SHANK2: variants seen among roughly 807,000 people sequenced by gnomAD.
The protein encoded by SHANK2 is SH3 and multiple ankyrin repeat domains 2.
Under a neutral mutation model 133.7 loss-of-function variants are expected in SHANK2, and 43 were observed. The ratio of observed to expected loss-of-function variants is 0.32; its 90% CI spans 0.25 to 0.41. The LOEUF (loss-of-function observed/expected upper bound fraction) is 0.41, where lower values mean the gene tolerates loss of function less well. Ranked by LOEUF, SHANK2 falls within the 10% of genes least tolerant of loss-of-function variation. The pLI is 1.00. For synonymous variants in SHANK2, 1,017 were observed against 952.8 expected (o/e 1.07, Z -1.24); for missense variants, 1,994 against 2,235.8 (o/e 0.89, Z 2.18).
rs529794702 is a variant in SHANK2 at position 71,121,957 on chromosome 11, C to A, written c.208-2925G>T. Among the ~76,000 whole-genome samples, 1,279 of 152,296 alleles carry A rather than the reference C, an allele frequency of 8.4e-3. 17 individuals carry two copies. Among genetic ancestry groups the A allele is most frequent in the African/African-American group, 0.03 (1,232 of 41,564 alleles). On this transcript the variant is annotated intron_variant, in intron 3 of 25. Transcript: ENST00000601538. ...AAAACCACAATGAGATACCATCTCACACCAGTTAGAATGGCGATCATTAAA... is the reference window on the plus strand; with the variant it reads ...AAAACCACAATGAGATACCATCTCAAACCAGTTAGAATGGCGATCATTAAA...
chr11:70,698,860 C>G, intron 14 of SHANK2, 97 bp from the exon 15 acceptor site: 1 of 713,146 alleles, frequency 1.4e-6, no homozygotes, highest in South Asian at 1.5e-5. Flanking sequence ...CTCACCTACT[C>G]CCCAAAATGT....
At chr11:71,073,119 T>G (rs1201469434) in intron 9 of SHANK2, among the ~76,000 whole-genome samples, 3 of 150,662 alleles carry the variant, frequency 2.0e-5, no homozygotes, top group Non-Finnish European at 3.0e-5. Flanking sequence ...GTGGAAGGCT[T>G]GCTTTTTGTT....
chr11:70,836,251 G>A (rs1403577043), intron 11 of SHANK2, among the ~76,000 whole-genome samples: 1 of 152,210 alleles, frequency 6.6e-6, no homozygotes, highest in Non-Finnish European at 1.5e-5. Context: ...TTCTCAGGCC[G>A]GCTCCACACA....
intron 17 of SHANK2, among the ~76,000 whole-genome samples, chr11:70,612,527 T>C (rs2060673822): frequency 6.6e-6 from 1 of 152,246 alleles, no homozygotes. Flanking sequence ...TTTAGATCCA[T>C]GCATACTTTC....
chr11:70,722,163 T>C (rs1946087174), intron 14 of SHANK2, among the ~76,000 whole-genome samples: 1 of 152,234 alleles, frequency 6.6e-6, no homozygotes, highest in Non-Finnish European at 1.5e-5. Context: ...CTCAGCCCCA[T>C]TCCTGCCCTT....
At chr11:70,694,010 G>A (rs1480811416) in intron 15 of SHANK2, among the ~76,000 whole-genome samples, 1 of 152,160 alleles carries the variant, frequency 6.6e-6, no homozygotes, top group Non-Finnish European at 1.5e-5. Context: ...AATGGAGTCC[G>A]TTCAGCCTAA....
rs782608612 is a variant in SHANK2 at position 70,486,278 on chromosome 11, TCTC to T, written c.4012_4014del (p.Glu1338del). 2.5e-6 allele frequency: 4 copies of T among 1,613,870 alleles called. No homozygotes were observed. Among genetic ancestry groups the T allele is most frequent in the Non-Finnish European group, 3.4e-6 (4 of 1,180,022 alleles). ...TCGGACGGCGAGCTGTCTGGCTTCA[TCTC>T]CACCTCTGCCTTCTCGTCCTCTTCC... On this transcript the variant is annotated inframe_deletion, in exon 25 of 26. Transcript: ENST00000601538. The surrounding 1 kb of genome is among the most constrained non-coding windows in gnomAD (Gnocchi z 8.0).
chr11:70,835,483 G>C (rs1245103038), intron 11 of SHANK2, among the ~76,000 whole-genome samples: 1 of 152,170 alleles, frequency 6.6e-6, no homozygotes, highest in East Asian at 1.9e-4. Flanking sequence ...TTGGGGACAT[G>C]GTCCGCTCAG....
In SHANK2 at chr11:70,747,415, T is replaced by C. The variant is rs139158086; in HGVS notation, c.1778-48652A>G. Among the ~76,000 whole-genome samples the C allele has an allele frequency of 2.6e-4, 39 of 152,318 alleles. No homozygotes were observed. In the East Asian group the frequency reaches 7.2e-3, roughly 28 times the overall value. ...AAAGTCTTTTCATGGCCTGACATTC[T>C]CAGGCTCCTAATCACCCCAGGCCAG... is the stretch of plus-strand genomic sequence containing the variant. On this transcript the variant is annotated intron_variant, in intron 14 of 25. Transcript: ENST00000601538.
chr11:71,222,685 G>T (rs1237450108), intron 2 of SHANK2, among the ~76,000 whole-genome samples: 3 of 152,228 alleles, frequency 2.0e-5, no homozygotes, highest in Non-Finnish European at 4.4e-5. Context: ...ACATCTTATG[G>T]CTCAACCCCG....
intron 1 of SHANK2, among the ~76,000 whole-genome samples, chr11:71,239,038 A>G (rs558506320): frequency 3.3e-5 from 5 of 152,356 alleles, no homozygotes; most frequent in African/African-American, 1.2e-4. Flanking sequence ...ACGGTTTCAC[A>G]AGCATTTTGT....
chr11:70,706,870 G>A (rs576248190), intron 14 of SHANK2, among the ~76,000 whole-genome samples: 11 of 152,244 alleles, frequency 7.2e-5, no homozygotes, highest in African/African-American at 2.4e-4. Flanking sequence ...CTTTAAGCAG[G>A]GCTGCTGGAA....
intron 10 of SHANK2, among the ~76,000 whole-genome samples, chr11:70,929,508 G>C (rs1394814489): frequency 2.6e-5 from 4 of 152,130 alleles, no homozygotes; most frequent in African/African-American, 4.8e-5. Flanking sequence ...CCTCCCCTCT[G>C]CCAGGTTCTA....
chr11:70,829,592 C>G (rs1044769225), intron 11 of SHANK2, among the ~76,000 whole-genome samples: 3 of 151,362 alleles, frequency 2.0e-5, no homozygotes, highest in Non-Finnish European at 4.4e-5. Flanking sequence ...CCCAGGCCTG[C>G]TTCTCAGCCT....
chr11:70,547,727 C>T (rs1267578295), intron 17 of SHANK2, among the ~76,000 whole-genome samples: 1 of 152,194 alleles, frequency 6.6e-6, no homozygotes, highest in African/African-American at 2.4e-5. Context: ...GGGACCCCCG[C>T]TTGAATAGCT....
chr11:70,563,430 C>G (rs1253742926), intron 17 of SHANK2, among the ~76,000 whole-genome samples: 1 of 152,038 alleles, frequency 6.6e-6, no homozygotes, highest in Non-Finnish European at 1.5e-5. Flanking sequence ...TACATTTATT[C>G]TTCTGTTTAA....
intron 17 of SHANK2, among the ~76,000 whole-genome samples, chr11:70,605,547 G>A (rs2060564916): frequency 6.6e-6 from 1 of 152,208 alleles, no homozygotes; most frequent in South Asian, 2.1e-4. Context: ...TTTCTTAATG[G>A]CCGGCTGCCT....
intron 3 of SHANK2, among the ~76,000 whole-genome samples, chr11:71,121,150 G>A (rs576658695): frequency 6.6e-6 from 1 of 152,286 alleles, no homozygotes; most frequent in East Asian, 1.9e-4. Flanking sequence ...AACCCAGTGG[G>A]GCACACCAAC....
At chr11:71,132,453 T>C (rs1316437450) in intron 3 of SHANK2, among the ~76,000 whole-genome samples, 1 of 152,152 alleles carries the variant, frequency 6.6e-6, no homozygotes, top group Non-Finnish European at 1.5e-5. Flanking sequence ...GCTACAGAAC[T>C]TGTAGTAATT....
Sources: allele counts gnomAD v4.1 joint callset (sites outside exome capture counted in the v4.1 genomes callset), GRCh38; gene constraint gnomAD v4.1.1; non-coding constraint Gnocchi (gnomAD v3.1); transcripts MANE v1.5; gene names NCBI Gene and HGNC (gene_info 2026-07-23, HGNC 2026-07-21).